The following ZFP36 variants were observed in gnomAD, a reference collection of about 807,000 sequenced individuals.
The protein encoded by ZFP36 is mRNA decay activator protein ZFP36.
In ZFP36, 13 loss-of-function variants were observed where a neutral mutation model predicts 19.8. The ratio of observed to expected loss-of-function variants is 0.66; its 90% CI spans 0.43 to 1.04. ZFP36 has a LOEUF of 1.04. Ranked by LOEUF, ZFP36 falls within the 50% of genes least tolerant of loss-of-function variation. The probability of loss-of-function intolerance (pLI) is 0.00; values close to 1 mark genes in which losing one functional copy is unlikely to be tolerated. For synonymous variants in ZFP36, 191 were observed against 194.5 expected (o/e 0.98, Z 0.15); for missense variants, 354 against 441.6 (o/e 0.80, Z 1.78).
In ZFP36 at chr19:39,408,794, T is replaced by A. The variant is rs2145965652; in HGVS notation, c.*95T>A. On this transcript the variant is annotated 3_prime_UTR_variant, in exon 2 of 2. Transcript: ENST00000597629. The surrounding 1 kb of genome is among the most constrained non-coding windows in gnomAD (Gnocchi z 6.0). ...CATGGACCCCAGGGCTGTGGGGACT[T>A]GGGGGACAGTAATCAAGTAATCCCC... The A allele has an allele frequency of 4.8e-6, 6 of 1,238,884 alleles. No homozygotes were observed. Among genetic ancestry groups the A allele is most frequent in the Non-Finnish European group, 6.6e-6 (6 of 902,750 alleles). 76.7% of individuals were successfully genotyped at this position (1,238,884 alleles called of 1,614,324 possible).
Position 39,408,688 on chromosome 19 carries a change from G to T in ZFP36, c.970G>T (p.Val324Phe), listed in dbSNP as rs17884899. The change falls in exon 2 of 2, where the codon GTT (valine) becomes TTT (phenylalanine). Residue 324 changes from valine (V) to phenylalanine (F), a missense_variant. Transcript: ENST00000597629. This position sits in a 1 kb window ranked among gnomAD's most constrained non-coding sequence, Gnocchi z 6.0. ...ACTCCCCATCTTCAATCGCATCTCT[G>T]TTTCTGAGTGACAAAGTGACTGCCC... Reference protein sequence around the residue: ...RRLPIFNRISVSE With the variant: ...RRLPIFNRISFSE 1.2e-4 allele frequency: 191 copies of T among 1,559,928 alleles called. No homozygotes were observed. The South Asian group carries it at 2.2e-3, about 18-fold the overall frequency.
Position 39,407,290 on chromosome 19 carries a change from G to A in ZFP36, c.24+362G>A. 2 of 462,216 alleles carry A rather than the reference G, an allele frequency of 4.3e-6. No individual in the cohort carries two copies. The highest frequency in any genetic ancestry group is 7.6e-6 in the Non-Finnish European group (2 of 263,272). 28.6% of individuals were successfully genotyped at this position (462,216 alleles called of 1,614,324 possible). A position where few individuals can be genotyped will look rare whatever the true frequency, so the allele number is the denominator to read the frequency against. On this transcript the variant is annotated intron_variant, in intron 1 of 1. Transcript: ENST00000597629. The surrounding 1 kb of genome is among the most constrained non-coding windows in gnomAD (Gnocchi z 7.6). Reference sequence around the variant, plus strand: ...GGTTTTGCGCGGAGGCGTCTCTGGGGCTGAAGTCTCAGGGTGGGGGGATCC... The same window carrying A: ...GGTTTTGCGCGGAGGCGTCTCTGGGACTGAAGTCTCAGGGTGGGGGGATCC...
chr19:39,408,645 C>A lies in ZFP36; in HGVS notation c.927C>A (p.Pro309=), dbSNP rs149251013. The stretch of plus-strand genomic sequence containing the variant: ...CGGGAGTTTTTGCACCACCCCAGCC[C>A]GTGGCAGCCCCCCGGCGACTCCCCA... ...FEAGVFAPPQ[P]VAAPRRLPIF... is the part of the protein sequence containing the mutation. The change falls in exon 2 of 2, where the codon CCC becomes CCA. Residue 309 remains proline, a synonymous_variant. Transcript: ENST00000597629. This position sits in a 1 kb window ranked among gnomAD's most constrained non-coding sequence, Gnocchi z 6.0. The A allele has an allele frequency of 4.4e-6, 7 of 1,586,796 alleles. No homozygotes were observed. The African/African-American group carries it at 5.4e-5, about 12-fold the overall frequency.
Position 39,407,821 on chromosome 19 carries a change from T to C in ZFP36, c.103T>C (p.Ser35Pro), listed in dbSNP as rs200311506. The C allele has an allele frequency of 6.5e-5, 105 of 1,604,048 alleles. No homozygotes were observed. In the East Asian group the frequency reaches 2.3e-3, roughly 35 times the overall value. Residue 35 changes from serine (S) to proline (P), a missense_variant, in exon 2 of 2, where the codon TCG becomes CCG. Physicochemically the swap from Ser to Pro is moderately conservative, Grantham distance 74. Coordinates refer to ENST00000597629, the MANE Select transcript of ZFP36 (RefSeq NM_003407.5). This position sits in a 1 kb window ranked among gnomAD's most constrained non-coding sequence, Gnocchi z 7.6. ...TGAGTCCAGCCCAGGCTGGGGCTCC[T>C]CGGGACCCTGGAGCCTGAGCCCCTC... ...GTESSPGWGS[S>P]GPWSLSPSDS...
Position 39,408,368 on chromosome 19 carries a change from G to A in ZFP36, c.650G>A (p.Ser217Asn), listed in dbSNP as rs780432030. The A allele has an allele frequency of 6.2e-7, 1 of 1,613,456 alleles. No individual in the cohort carries two copies. The highest frequency in any genetic ancestry group is 8.5e-7 in the Non-Finnish European group (1 of 1,179,946). ...SLSSSSFSPS[S>N]SPPPPGDLPL... ...TCCTCCAGCTCCTTCTCGCCCTCCA[G>A]CTCCCCACCACCACCTGGGGACCTT... The change falls in exon 2 of 2, where the codon AGC becomes AAC. Residue 217 changes from serine (S) to asparagine (N), a missense_variant. Coordinates refer to ENST00000597629, the MANE Select transcript of ZFP36 (RefSeq NM_003407.5). The surrounding 1 kb of genome is among the most constrained non-coding windows in gnomAD (Gnocchi z 6.0).
At position 39,407,658 on chromosome 19, in the gene ZFP36, C is replaced by T. The variant is rs753668391; in HGVS notation, c.25-85C>T. 4.6e-6 allele frequency: 6 copies of T among 1,318,350 alleles called. No homozygotes were observed. The highest frequency in any genetic ancestry group is 6.1e-6 in the Non-Finnish European group (6 of 984,368). 81.7% of individuals were successfully genotyped at this position (1,318,350 alleles called of 1,614,324 possible). ...GGGGCTCAGGCGGGGAGCCCACAAA[C>T]CGGCCTGGCAAGCTCTAGTTCCCTG... is the stretch of plus-strand genomic sequence containing the variant. On this transcript the variant is annotated intron_variant, in intron 1 of 1. Coordinates refer to ENST00000597629, the MANE Select transcript of ZFP36 (RefSeq NM_003407.5). This position sits in a 1 kb window ranked among gnomAD's most constrained non-coding sequence, Gnocchi z 7.6.
rs753624329 is a variant in ZFP36, at chr19:39,406,861, G to T, written c.-44G>T. On this transcript the variant is annotated 5_prime_UTR_variant, in exon 1 of 2. Coordinates refer to ENST00000597629, the MANE Select transcript of ZFP36 (RefSeq NM_003407.5). ...GTGCCAGCCTCAGCCTGACTTCAGC[G>T]CTCCCACTCTCGGCCGACACCCCTC... is the stretch of plus-strand genomic sequence containing the variant. 6.3e-6 allele frequency: 10 copies of T among 1,585,874 alleles called. No individual in the cohort carries two copies. Among genetic ancestry groups the T allele is most frequent in the East Asian group, 2.4e-5 (1 of 41,428 alleles).
Position 39,407,017 on chromosome 19 carries a change from G to A in ZFP36, c.24+89G>A. On this transcript the variant is annotated intron_variant, in intron 1 of 1. Transcript: ENST00000597629. This position sits in a 1 kb window ranked among gnomAD's most constrained non-coding sequence, Gnocchi z 7.6. ...AGCGCCGCAAACTCCAGCCCGGGAC[G>A]CTTGCCTCCCTTCTCCAACTGGGGC... The A allele has an allele frequency of 6.6e-7, 1 of 1,518,642 alleles. No homozygotes were observed. Among genetic ancestry groups the A allele is most frequent in the Non-Finnish European group, 8.9e-7 (1 of 1,123,210 alleles). 94.1% of individuals were successfully genotyped at this position (1,518,642 alleles called of 1,614,324 possible).
In ZFP36 at chr19:39,407,477, CAGT is replaced by C. The variant is rs2078482870; in HGVS notation, c.25-265_25-263del. The C allele has an allele frequency of 2.3e-6, 1 of 433,074 alleles. No homozygotes were observed. Among genetic ancestry groups the C allele is most frequent in the African/African-American group, 2.0e-5 (1 of 49,098 alleles). 26.8% of individuals were successfully genotyped at this position (433,074 alleles called of 1,614,324 possible). A position where few individuals can be genotyped will look rare whatever the true frequency, so the allele number is the denominator to read the frequency against. On this transcript the variant is annotated intron_variant, in intron 1 of 1. Transcript: ENST00000597629. The surrounding 1 kb of genome is among the most constrained non-coding windows in gnomAD (Gnocchi z 7.6). Reference sequence around the variant, plus strand: ...GGACAAGAGACCCAAAATTGGGAAACAGTGGTGCGCCCTGACTTCGGGGTCCCC... The same window carrying C: ...GGACAAGAGACCCAAAATTGGGAAACGGTGCGCCCTGACTTCGGGGTCCCC...
intron 1 of ZFP36, 33 bp downstream of exon 1, chr19:39,406,961 T>A: frequency 6.2e-7 from 1 of 1,608,398 alleles, no homozygotes; most frequent in South Asian, 1.1e-5. Context: ...CCCCGGTACC[T>A]GCATGCCTGA....
At position 39,407,951 on chromosome 19, in the gene ZFP36, C is replaced by A; in HGVS notation, c.233C>A (p.Pro78Gln). 1.3e-6 allele frequency: 2 copies of A among 1,599,258 alleles called. No homozygotes were observed. Among genetic ancestry groups the A allele is most frequent in the Non-Finnish European group, 1.7e-6 (2 of 1,175,708 alleles). The change falls in exon 2 of 2, where the codon CCG (proline) becomes CAG (glutamine). Residue 78 changes from proline to glutamine, a missense_variant. Physicochemically the swap from Pro to Gln is moderately conservative, Grantham distance 76. Coordinates refer to ENST00000597629, the MANE Select transcript of ZFP36 (RefSeq NM_003407.5). The surrounding 1 kb of genome is among the most constrained non-coding windows in gnomAD (Gnocchi z 7.6). Reference sequence around the variant, plus strand: ...GTGCCCCCACCCCCTGGCTTCGCACCGCTGGCTCCCCGCCTGGGCCCTGAG... The same window carrying A: ...GTGCCCCCACCCCCTGGCTTCGCACAGCTGGCTCCCCGCCTGGGCCCTGAG... ...GWVPPPPGFA[P>Q]LAPRLGPELS...
Position 39,409,295 on chromosome 19 carries a change from A to G in ZFP36, c.*596A>G, listed in dbSNP as rs1324589045. The G allele has an allele frequency of 6.6e-6, 1 of 152,086 alleles. No individual in the cohort carries two copies. Among genetic ancestry groups the G allele is most frequent in the Non-Finnish European group, 1.5e-5 (1 of 67,972 alleles). 9.4% of individuals were successfully genotyped at this position (152,086 alleles called of 1,614,324 possible). A position where few individuals can be genotyped will look rare whatever the true frequency, so the allele number is the denominator to read the frequency against. On this transcript the variant is annotated 3_prime_UTR_variant, in exon 2 of 2. Coordinates refer to ENST00000597629, the MANE Select transcript of ZFP36 (RefSeq NM_003407.5). ...TTCTTCCTTTTTTTGTAATATTGAA[A>G]ACGACGATATAATTATTATAAGTAG...
In ZFP36 at chr19:39,408,963, G is replaced by A; in HGVS notation, c.*264G>A. 1 of 358,902 alleles carries A rather than the reference G, an allele frequency of 2.8e-6. No individual in the cohort carries two copies. The allele number at this position is 358,902 out of a possible 1,614,324, so 22.2% of individuals were successfully genotyped here. ...AAAAATTGTAGCATATTTAAGGGAG[G>A]CAATGAACCCTCTCCCCCACCTCTT... On this transcript the variant is annotated 3_prime_UTR_variant, in exon 2 of 2. Transcript: ENST00000597629. This position sits in a 1 kb window ranked among gnomAD's most constrained non-coding sequence, Gnocchi z 6.0.
rs1361442372 is a variant in ZFP36 at position 39,407,946 on chromosome 19, C to T, written c.228C>T (p.Phe76=). ...SCGWVPPPPG[F]APLAPRLGPE... ...GCTGGGTGCCCCCACCCCCTGGCTT[C>T]GCACCGCTGGCTCCCCGCCTGGGCC... Residue 76 remains phenylalanine, a synonymous_variant, in exon 2 of 2, where the codon TTC becomes TTT. Transcript: ENST00000597629. The surrounding 1 kb of genome is among the most constrained non-coding windows in gnomAD (Gnocchi z 7.6). 1 of 1,597,808 alleles carries T rather than the reference C, an allele frequency of 6.3e-7. No homozygotes were observed. Among genetic ancestry groups the T allele is most frequent in the South Asian group, 1.1e-5 (1 of 90,222 alleles).
At position 39,407,229 on chromosome 19, in the gene ZFP36, C is replaced by G; in HGVS notation, c.24+301C>G. On this transcript the variant is annotated intron_variant, in intron 1 of 1. Coordinates refer to ENST00000597629, the MANE Select transcript of ZFP36 (RefSeq NM_003407.5). This position sits in a 1 kb window ranked among gnomAD's most constrained non-coding sequence, Gnocchi z 7.6. ...GCTGCCTGGAGGCGGAAGTGGCCCC[C>G]ATACCTGGCTCACCCCTAGTCGTTG... The G allele has an allele frequency of 1.9e-6, 1 of 536,124 alleles. No individual in the cohort carries two copies. Among genetic ancestry groups the G allele is most frequent in the Non-Finnish European group, 3.3e-6 (1 of 304,196 alleles). 33.2% of individuals were successfully genotyped at this position (536,124 alleles called of 1,614,324 possible).
rs778811137 is a variant in ZFP36, at chr19:39,407,731, C to T, written c.25-12C>T. On this transcript the variant is annotated splice_polypyrimidine_tract_variant and intron_variant, in intron 1 of 1. Transcript: ENST00000597629. This position sits in a 1 kb window ranked among gnomAD's most constrained non-coding sequence, Gnocchi z 7.6. ...TGCATTTTCAGGTGCCTTAACCGACCCATTTCCGCAGAGCCTCCTGTCGCT... is the reference window on the plus strand; with the variant it reads ...TGCATTTTCAGGTGCCTTAACCGACTCATTTCCGCAGAGCCTCCTGTCGCT... 31 of 1,518,912 alleles carry T rather than the reference C, an allele frequency of 2.0e-5. No homozygotes were observed. The highest frequency in any genetic ancestry group is 1.8e-4 in the South Asian group (14 of 77,568). 94.1% of individuals were successfully genotyped at this position (1,518,912 alleles called of 1,614,324 possible).
In ZFP36 at chr19:39,406,882, C is replaced by T. The variant is rs1423564238; in HGVS notation, c.-23C>T. 1.9e-6 allele frequency: 3 copies of T among 1,602,338 alleles called. No homozygotes were observed. The highest frequency in any genetic ancestry group is 1.7e-5 in the Admixed American group (1 of 58,684). ...CAGCGCTCCCACTCTCGGCCGACAC[C>T]CCTCATGGCCAACCGTTACACCATG... On this transcript the variant is annotated 5_prime_UTR_variant, in exon 1 of 2. Coordinates refer to ENST00000597629, the MANE Select transcript of ZFP36 (RefSeq NM_003407.5).
rs1600633836 is a variant in ZFP36 at position 39,407,660 on chromosome 19, G to A, written c.25-83G>A. The A allele has an allele frequency of 7.5e-7, 1 of 1,331,236 alleles. No individual in the cohort carries two copies. The highest frequency in any genetic ancestry group is 2.6e-5 in the Admixed American group (1 of 39,190). 82.5% of individuals were successfully genotyped at this position (1,331,236 alleles called of 1,614,324 possible). ...GGCTCAGGCGGGGAGCCCACAAACC[G>A]GCCTGGCAAGCTCTAGTTCCCTGCA... On this transcript the variant is annotated intron_variant, in intron 1 of 1. Coordinates refer to ENST00000597629, the MANE Select transcript of ZFP36 (RefSeq NM_003407.5). This position sits in a 1 kb window ranked among gnomAD's most constrained non-coding sequence, Gnocchi z 7.6.
rs1389952489 is a variant in ZFP36 at position 39,407,812 on chromosome 19, T to C, written c.94T>C (p.Trp32Arg). Residue 32 changes from tryptophan to arginine, a missense_variant, in exon 2 of 2, where the codon TGG (tryptophan) becomes CGG (arginine). Trp to Arg is a moderately radical substitution (Grantham distance 101). Coordinates refer to ENST00000597629, the MANE Select transcript of ZFP36 (RefSeq NM_003407.5). The surrounding 1 kb of genome is among the most constrained non-coding windows in gnomAD (Gnocchi z 7.6). ...DHGGTESSPG[W>R]GSSGPWSLSP... is the part of the protein sequence containing the mutation. ...TGGAGGGACTGAGTCCAGCCCAGGC[T>C]GGGGCTCCTCGGGACCCTGGAGCCT... The C allele has an allele frequency of 3.1e-6, 5 of 1,600,114 alleles. No homozygotes were observed. Among genetic ancestry groups the C allele is most frequent in the Non-Finnish European group, 4.3e-6 (5 of 1,175,246 alleles).
Sources: allele counts gnomAD v4.1 joint callset, GRCh38; gene constraint gnomAD v4.1.1; non-coding constraint Gnocchi (gnomAD v3.1); transcripts MANE v1.5; gene names NCBI Gene and HGNC (gene_info 2026-07-23, HGNC 2026-07-21).